KANK1: variants seen among roughly 807,000 people sequenced by gnomAD.
KANK1 encodes KN motif and ankyrin repeat domain-containing protein 1.
In KANK1, 109 loss-of-function variants were observed where a neutral mutation model predicts 106.2. The observed-to-expected ratio is 1.03, with a 90% CI of 0.88 to 1.20. The LOEUF (loss-of-function observed/expected upper bound fraction) is 1.20. Among genes scored for constraint, KANK1 ranks in the 50% most tolerant of loss-of-function variants. The probability of loss-of-function intolerance (pLI) is 0.00; values close to 1 mark genes in which losing one functional copy is unlikely to be tolerated. For missense variants in KANK1, 2,399 were observed against 1,710.7 expected, an observed-to-expected ratio of 1.40 and a Z score of -7.10; for synonymous variants, 873 against 652.2, an observed-to-expected ratio of 1.34 and a Z score of -5.16.
chr9:513,648 T>A (rs1172341043), intron 1 of KANK1, among the ~76,000 whole-genome samples: 1 of 152,266 alleles, frequency 6.6e-6, no homozygotes, highest in Non-Finnish European at 1.5e-5. Flanking sequence ...TGTAAATTTG[T>A]GTTTGATATC....
At chr9:645,766 T>C (rs1258667048) in intron 1 of KANK1, among the ~76,000 whole-genome samples, 1 of 150,460 alleles carries the variant, frequency 6.6e-6, no homozygotes, top group Non-Finnish European at 1.5e-5. Flanking sequence ...GCACCTGTAA[T>C]CCTGACCAGC....
Position 712,908 on chromosome 9 carries a change from G to A in KANK1, c.2142G>A (p.Thr714=), listed in dbSNP as rs114171799. ...DKQTSTQTVE[T]RTVAVGEGRV... ...AGACCAGCACCCAGACTGTGGAGAC[G>A]CGGACAGTAGCTGTAGGAGAAGGCC... Residue 714 remains threonine (T), a synonymous_variant, in exon 3 of 12, where the codon ACG becomes ACA. Coordinates refer to ENST00000382297, the MANE Select transcript of KANK1 (RefSeq NM_015158.5). 18 of 1,614,064 alleles carry A rather than the reference G, an allele frequency of 1.1e-5. No individual in the cohort carries two copies. The highest frequency in any genetic ancestry group is 5.0e-5 in the Admixed American group (3 of 60,024).
At chr9:591,228 GA>G (rs1305594237) in intron 1 of KANK1, among the ~76,000 whole-genome samples, 2 of 151,370 alleles carry the variant, frequency 1.3e-5, no homozygotes, top group Non-Finnish European at 2.9e-5. Context: ...TAATTTCTTT[GA>G]ATTTTTATAC....
chr9:601,552 A>G (rs2804295), intron 1 of KANK1, among the ~76,000 whole-genome samples: 109,409 of 151,608 alleles, frequency 0.72, 40,108 homozygotes, highest in South Asian at 0.78. Context: ...GCAATGATGT[A>G]TCTTTTTTAT....
At chr9:655,309 T>G (rs56349412) in intron 1 of KANK1, among the ~76,000 whole-genome samples, 1 of 150,354 alleles carries the variant, frequency 6.7e-6, no homozygotes, top group Non-Finnish European at 1.5e-5. Context: ...AGGCAGAGGT[T>G]GCGGTGAGTG....
chr9:638,661 C>A (rs895570345), intron 1 of KANK1, among the ~76,000 whole-genome samples: 1 of 152,184 alleles, frequency 6.6e-6, no homozygotes, highest in Non-Finnish European at 1.5e-5. Flanking sequence ...AGTTTCCATT[C>A]TTTTGAGATA....
chr9:560,530 A>T (rs1262793363), intron 1 of KANK1, among the ~76,000 whole-genome samples: 1 of 152,262 alleles, frequency 6.6e-6, no homozygotes, highest in Non-Finnish European at 1.5e-5. Context: ...AGGCACAGCC[A>T]GGAGCGAAAT....
chr9:724,102 A>T lies in KANK1; in HGVS notation c.2699-5949A>T, dbSNP rs114139735. ...GGTGACAGAGTGAGATGCCATATCAAAAAAAAAGACTATTGGAGAAATTTG... is the reference window on the plus strand; with the variant it reads ...GGTGACAGAGTGAGATGCCATATCATAAAAAAAGACTATTGGAGAAATTTG... On this transcript the variant is annotated intron_variant, in intron 3 of 11. Coordinates refer to ENST00000382297, the MANE Select transcript of KANK1 (RefSeq NM_015158.5). 3.3e-3 allele frequency among the ~76,000 whole-genome samples: 504 copies of T among 152,068 alleles called. 4 individuals carry two copies. Among genetic ancestry groups the T allele is most frequent in the African/African-American group, 0.011 (458 of 41,516 alleles).
rs559820785 is a variant in KANK1, at chr9:595,425, G to A, written c.-83-81465G>A. ...GAGCACTTCAGCTCCAAACTTGAGC[G>A]TTGCAATCAGAACAAGAACCCGAGG... On this transcript the variant is annotated intron_variant, in intron 1 of 11. Coordinates refer to ENST00000382297, the MANE Select transcript of KANK1 (RefSeq NM_015158.5). 9.0e-4 allele frequency among the ~76,000 whole-genome samples: 137 copies of A among 151,996 alleles called. 2 individuals are homozygous for A. Among genetic ancestry groups the A allele is most frequent in the African/African-American group, 3.2e-3 (133 of 41,270 alleles).
At chr9:479,048 C>G (rs1455672072) in intron 3 of KANK1, among the ~76,000 whole-genome samples, 2 of 151,986 alleles carry the variant, frequency 1.3e-5, no homozygotes, top group East Asian at 3.9e-4. Flanking sequence ...TCCTGAGTAG[C>G]TGGGATTACA....
At chr9:517,507 A>G (rs368897018) in intron 1 of KANK1, among the ~76,000 whole-genome samples, 14 of 151,784 alleles carry the variant, frequency 9.2e-5, no homozygotes, top group East Asian at 7.7e-4. Flanking sequence ...ACCTGAGGAA[A>G]CAAAAGCCTA....
At chr9:506,551 T>TGTGC (rs1421185857) in intron 1 of KANK1, among the ~76,000 whole-genome samples, 2 of 151,960 alleles carry the variant, frequency 1.3e-5, no homozygotes, top group Non-Finnish European at 2.9e-5. Flanking sequence ...TGTGTGTGCG[T>TGTGC]GTGCGTGCGC....
intron 1 of KANK1, among the ~76,000 whole-genome samples, chr9:593,204 G>T (rs1338038843): frequency 5.3e-5 from 8 of 151,744 alleles, no homozygotes; most frequent in Non-Finnish European, 1.0e-4. Flanking sequence ...CAGACCATGT[G>T]TTCCAGTTTT....
chr9:497,727 C>T (rs1280305203), intron 3 of KANK1, among the ~76,000 whole-genome samples: 1 of 151,950 alleles, frequency 6.6e-6, no homozygotes, highest in African/African-American at 2.4e-5. Context: ...GTGGCGTGTG[C>T]CTGTGGTCCC....
chr9:529,278 C>T (rs2059951512), intron 1 of KANK1, among the ~76,000 whole-genome samples: 1 of 151,164 alleles, frequency 6.6e-6, no homozygotes. Context: ...CACAGACACA[C>T]ACACACATAT....
At chr9:634,495 C>G (rs1836593480) in intron 1 of KANK1, among the ~76,000 whole-genome samples, 1 of 152,148 alleles carries the variant, frequency 6.6e-6, no homozygotes, top group Non-Finnish European at 1.5e-5. Flanking sequence ...ACCTTGCAAC[C>G]TCTGGCCACC....
chr9:665,676 C>G (rs1232160214), intron 1 of KANK1, among the ~76,000 whole-genome samples: 5 of 152,140 alleles, frequency 3.3e-5, no homozygotes, highest in Non-Finnish European at 7.3e-5. Context: ...TTAGGATTGT[C>G]TGCTCTGTTT....
At chr9:578,341 G>T (rs1452570822) in intron 1 of KANK1, among the ~76,000 whole-genome samples, 1 of 152,032 alleles carries the variant, frequency 6.6e-6, no homozygotes, top group South Asian at 2.1e-4. Flanking sequence ...GTGTGTGTGT[G>T]TGTGTGTGTG....
At chr9:565,391 T>G (rs1310191418) in intron 1 of KANK1, among the ~76,000 whole-genome samples, 2 of 152,250 alleles carry the variant, frequency 1.3e-5, no homozygotes, top group Admixed American at 1.3e-4. Context: ...CTGCAGAGCA[T>G]AACTTGTGTA....
Sources: gnomAD v4.1 joint callset for allele counts (sites outside exome capture counted in the v4.1 genomes callset) on GRCh38, gnomAD v4.1.1 for gene constraint, MANE v1.5 for transcripts, NCBI Gene and HGNC (gene_info 2026-07-23, HGNC 2026-07-21) for gene names.